The following CFAP46 variants were observed in gnomAD, a reference collection of about 807,000 sequenced individuals.
The protein encoded by CFAP46 is cilia- and flagella-associated protein 46.
In CFAP46, 245 loss-of-function variants were observed where a neutral mutation model predicts 325.7. The ratio of observed to expected loss-of-function variants is 0.75; its 90% confidence interval spans 0.68 to 0.84. CFAP46 has a LOEUF of 0.84. CFAP46 is among the 40% of genes least tolerant of loss of function. The pLI, the probability that CFAP46 is intolerant of heterozygous loss-of-function variation, is 0.00. For synonymous variants in CFAP46, 1,523 were observed against 1,495.9 expected, an observed-to-expected ratio of 1.02 and a Z score of -0.42; for missense variants, 3,346 against 3,543.0, an observed-to-expected ratio of 0.94 and a Z score of 1.41.
rs1387915536 is a variant in CFAP46, at chr10:132,817,826, T to A, written c.7118-2912A>T. ...GTGGCACTGCTTCCTGTCTGACGGTTCTGGGAGTCGGAGGTCCGAATGGGG... is the reference window on the plus strand; with the variant it reads ...GTGGCACTGCTTCCTGTCTGACGGTACTGGGAGTCGGAGGTCCGAATGGGG... On this transcript the variant is annotated intron_variant, in intron 50 of 57. Coordinates refer to ENST00000368586, the MANE Select transcript of CFAP46 (RefSeq NM_001200049.3). The surrounding 1 kb of genome is among the most constrained non-coding windows in gnomAD (Gnocchi z 4.4). 1.3e-5 allele frequency among the ~76,000 whole-genome samples: 2 copies of A among 152,248 alleles called. No homozygotes were observed. The highest frequency in any genetic ancestry group is 2.9e-5 in the Non-Finnish European group (2 of 68,044).
Position 132,878,003 on chromosome 10 carries a change from C to CT in CFAP46, c.4089dup (p.Glu1364ArgfsTer5). The CT allele has an allele frequency of 6.4e-7, 1 of 1,550,642 alleles. No individual in the cohort carries two copies. ...TCTTTACTCCTCTCATTCTCCTTCTCTTTTTTAGGCAATAACAGATGTGAG... is the reference window on the plus strand; with the variant it reads ...TCTTTACTCCTCTCATTCTCCTTCTCTTTTTTTAGGCAATAACAGATGTGAG... On this transcript the variant is annotated frameshift_variant, in exon 30 of 58. Transcript: ENST00000368586. LOFTEE classifies it high-confidence loss of function.
chr10:132,820,043 A>G lies in CFAP46; in HGVS notation c.7118-5129T>C, dbSNP rs550358269. Among the ~76,000 whole-genome samples the G allele has an allele frequency of 5.1e-4, 78 of 152,262 alleles. 1 individual carries two copies. Among genetic ancestry groups the G allele is most frequent in the Non-Finnish European group, 5.9e-4 (40 of 68,024 alleles). On this transcript the variant is annotated intron_variant, in intron 50 of 57. Transcript: ENST00000368586. Reference sequence around the variant, plus strand: ...AGGAACTCCTATAATACAATAGTAAAAAACCAAACAACCCAATCGAAGAAC... The same window carrying G: ...AGGAACTCCTATAATACAATAGTAAGAAACCAAACAACCCAATCGAAGAAC...
At chr10:132,915,584 C>G (rs61863090) in intron 17 of CFAP46, among the ~76,000 whole-genome samples, 1 of 151,294 alleles carries the variant, frequency 6.6e-6, no homozygotes, top group Non-Finnish European at 1.5e-5. Flanking sequence ...CCCGAGGGAC[C>G]GGTGAGGGCG....
chr10:132,880,497 C>T (rs193121340), intron 28 of CFAP46, among the ~76,000 whole-genome samples: 1 of 152,312 alleles, frequency 6.6e-6, no homozygotes, highest in East Asian at 1.9e-4. Context: ...GCTCTGGACC[C>T]CCGCTCCCCC....
Position 132,872,823 on chromosome 10 carries a change from G to A in CFAP46, c.4364C>T (p.Thr1455Ile). The A allele has an allele frequency of 6.4e-7, 1 of 1,551,146 alleles. No individual in the cohort carries two copies. Among genetic ancestry groups the A allele is most frequent in the Non-Finnish European group, 8.7e-7 (1 of 1,147,128 alleles). ...GTGGTCCAGGAAATACAAACTGTAT[G>A]TCTACATGGACACATAACACACACA... Reference protein sequence around the residue: ...TVNPSSIQKPTYSLYFLDHLV... With the variant: ...TVNPSSIQKPIYSLYFLDHLV... The change falls in exon 32 of 58, where the codon ACA becomes ATA. Residue 1455 changes from threonine to isoleucine, a missense_variant and splice_region_variant. By Grantham distance (89) the Thr-to-Ile change is moderately conservative (BLOSUM62 -1). Coordinates refer to ENST00000368586, the MANE Select transcript of CFAP46 (RefSeq NM_001200049.3).
intron 36 of CFAP46, 53 bp downstream of exon 36, chr10:132,860,729 C>T: frequency 1.3e-6 from 2 of 1,534,820 alleles, no homozygotes; most frequent in Non-Finnish European, 1.8e-6. Context: ...TCCTCTCCAC[C>T]AAGCACCTGG....
At chr10:132,823,724 G>C (rs531754856) in intron 50 of CFAP46, among the ~76,000 whole-genome samples, 1 of 140,984 alleles carries the variant, frequency 7.1e-6, no homozygotes, top group Non-Finnish European at 1.5e-5. Flanking sequence ...CGTGTGCTGT[G>C]TGCTGATGTG....
intron 26 of CFAP46, 57 bp downstream of exon 26, chr10:132,885,764 G>GTGGGGAGCACTCACAGGCGGT: frequency 1.3e-6 from 2 of 1,488,306 alleles, no homozygotes; most frequent in East Asian, 2.5e-5. Context: ...CACAGGCGGT[G>GTGGGGAGCACTCACAGGCGGT]GGGGGAGCAC....
Position 132,919,342 on chromosome 10 carries a change from T to A in CFAP46, c.1831A>T (p.Lys611Ter), listed in dbSNP as rs1464725108. 3 of 1,550,138 alleles carry A rather than the reference T, an allele frequency of 1.9e-6. No individual in the cohort carries two copies. In the Admixed American group the frequency reaches 5.9e-5, roughly 30 times the overall value. ...SRFCLLYDNVKVKKLRLRRGK... is the reference protein window; with the variant it reads ...SRFCLLYDNV ...CGCCGCAGCCTCAACTTCTTCACCT[T>A]GACGTTGTCATACAGGAGGCAGAAG... The change falls in exon 15 of 58, where the codon AAG becomes TAG. Residue 611 changes from lysine to a stop codon, truncating the protein, a stop_gained. Transcript: ENST00000368586. LOFTEE classifies it high-confidence loss of function. The surrounding 1 kb of genome is among the most constrained non-coding windows in gnomAD (Gnocchi z 9.7).
At chr10:132,932,476 C>A (rs1023906832) in intron 8 of CFAP46, among the ~76,000 whole-genome samples, 7 of 139,490 alleles carry the variant, frequency 5.0e-5, no homozygotes, top group Admixed American at 3.6e-4. Flanking sequence ...AGAGCCTAGG[C>A]CTTCCACCTC....
At position 132,912,640 on chromosome 10, in the gene CFAP46, T is replaced by G; in HGVS notation, c.2499+15A>C. On this transcript the variant is annotated intron_variant, in intron 19 of 57. Transcript: ENST00000368586. ...CTCTCTCTCTCTCTCTCTCTCGGCATCATGGAGGTGGTACCTCCACCGCTG... is the reference window on the plus strand; with the variant it reads ...CTCTCTCTCTCTCTCTCTCTCGGCAGCATGGAGGTGGTACCTCCACCGCTG... 1.4e-6 allele frequency: 2 copies of G among 1,455,682 alleles called. No individual in the cohort carries two copies. Among genetic ancestry groups the G allele is most frequent in the Non-Finnish European group, 1.8e-6 (2 of 1,085,262 alleles). The allele number at this position is 1,455,682 out of a possible 1,614,324, so 90.2% of individuals were successfully genotyped here.
chr10:132,928,798 G>A (rs886920564), intron 9 of CFAP46, among the ~76,000 whole-genome samples: 7 of 152,204 alleles, frequency 4.6e-5, no homozygotes, highest in Non-Finnish European at 1.0e-4. Context: ...CTGCTCTGTG[G>A]AAGAGCCTGT....
At chr10:132,938,836 C>T (rs1215460201) in intron 4 of CFAP46, 83 bp from the exon 5 acceptor site, 14 of 1,377,164 alleles carry the variant, frequency 1.0e-5, no homozygotes, top group East Asian at 9.3e-5. Flanking sequence ...GCTGTGTCTC[C>T]GGAGCCCCTC....
In CFAP46 at chr10:132,915,697, C is replaced by T. The variant is rs1029236717; in HGVS notation, c.2120+852G>A. 5.3e-5 allele frequency among the ~76,000 whole-genome samples: 8 copies of T among 152,234 alleles called. No homozygotes were observed. The South Asian group carries it at 1.0e-3, about 20-fold the overall frequency. On this transcript the variant is annotated intron_variant, in intron 17 of 57. Coordinates refer to ENST00000368586, the MANE Select transcript of CFAP46 (RefSeq NM_001200049.3). The stretch of plus-strand genomic sequence containing the variant: ...CGGGGACACCCGAGCTTACCACGTT[C>T]GTGTGCTTGACGCAGCTGCATTGCA...
intron 19 of CFAP46, among the ~76,000 whole-genome samples, 188 bp downstream of exon 19, chr10:132,912,467 C>G (rs1229390889): frequency 7.2e-6 from 1 of 139,100 alleles, no homozygotes; most frequent in Non-Finnish European, 1.6e-5. Context: ...CTTCACCTCT[C>G]TCTCTCTTCA....
Position 132,880,899 on chromosome 10 carries a change from G to A in CFAP46, c.3761C>T (p.Pro1254Leu), listed in dbSNP as rs776188757. The change falls in exon 28 of 58, where the codon CCG becomes CTG. Residue 1254 changes from proline to leucine, a missense_variant. Transcript: ENST00000368586. ...CTGTGGCTCAGGGACATCGCCGGGCGGCTTCATGGCCAGCAGGATCTCGAC... is the reference window on the plus strand; with the variant it reads ...CTGTGGCTCAGGGACATCGCCGGGCAGCTTCATGGCCAGCAGGATCTCGAC... ...WAVEILLAMKPPGDVPEPQPT... is the reference protein window; with the variant it reads ...WAVEILLAMKLPGDVPEPQPT... The A allele has an allele frequency of 1.5e-5, 23 of 1,549,984 alleles. No individual in the cohort carries two copies. The highest frequency in any genetic ancestry group is 9.8e-5 in the Admixed American group (5 of 50,996).
At chr10:132,856,726 A>G (rs1457623783) in intron 39 of CFAP46, among the ~76,000 whole-genome samples, 5 of 152,208 alleles carry the variant, frequency 3.3e-5, no homozygotes, top group African/African-American at 1.2e-4. Context: ...TTGTCTTCCA[A>G]TTATAATATC....
chr10:132,934,340 C>T (rs1329071644), intron 8 of CFAP46, among the ~76,000 whole-genome samples: 1 of 137,528 alleles, frequency 7.3e-6, no homozygotes, highest in African/African-American at 2.7e-5. Flanking sequence ...CTTCCTGCTT[C>T]CAGGATACCA....
chr10:132,941,661 A>C lies in CFAP46; in HGVS notation c.236T>G (p.Ile79Ser). Residue 79 changes from isoleucine to serine, a missense_variant, in exon 3 of 58, where the codon ATC becomes AGC. Coordinates refer to ENST00000368586, the MANE Select transcript of CFAP46 (RefSeq NM_001200049.3). ...IQMYFKVKAP[I>S]TQFLGRAHLC... Reference sequence around the variant, plus strand: ...GTGCGCTCGGCCCAGAAACTGGGTGATGGGCGCCTTCACCTTGAAGTACAT... The same window carrying C: ...GTGCGCTCGGCCCAGAAACTGGGTGCTGGGCGCCTTCACCTTGAAGTACAT... The C allele has an allele frequency of 6.2e-7, 1 of 1,614,030 alleles. No homozygotes were observed. The highest frequency in any genetic ancestry group is 8.5e-7 in the Non-Finnish European group (1 of 1,180,022).
Sources: allele counts gnomAD v4.1 joint callset (sites outside exome capture counted in the v4.1 genomes callset), GRCh38; gene constraint gnomAD v4.1.1; non-coding constraint Gnocchi (gnomAD v3.1); transcripts MANE v1.5; gene names NCBI Gene and HGNC (gene_info 2026-07-23, HGNC 2026-07-21).